Variants in SNTG2 observed in about 807,000 individuals in gnomAD.
The protein encoded by SNTG2 is gamma-2-syntrophin.
A neutral mutation model predicts 70.9 loss-of-function variants in SNTG2; 74 were observed. The observed-to-expected ratio is 1.04, with a 90% CI of 0.86 to 1.27. SNTG2 has a LOEUF of 1.27. Among genes scored for constraint, SNTG2 ranks in the 50% most tolerant of loss-of-function variants. SNTG2 has a pLI of 0.00. For missense variants in SNTG2, 717 were observed against 690.7 expected (o/e 1.04, Z -0.43); for synonymous variants, 278 against 273.8 (o/e 1.02, Z -0.15).
intron 15 of SNTG2, among the ~76,000 whole-genome samples, chr2:1,314,776 C>T (rs1051438190): frequency 1.3e-5 from 2 of 152,272 alleles, no homozygotes; most frequent in East Asian, 1.9e-4. Flanking sequence ...CTGGGGAGGC[C>T]TCACAATCAT....
At position 1,239,908 on chromosome 2, in the gene SNTG2, A is replaced by G; in HGVS notation, c.888+132A>G. ...TTTGATTTGAAAATGTTGATAGGAA[A>G]ACATTAGCACATTTCAGACTGCATT... On this transcript the variant is annotated intron_variant, in intron 11 of 16. Coordinates refer to ENST00000308624, the MANE Select transcript of SNTG2 (RefSeq NM_018968.4). 4.4e-6 allele frequency: 5 copies of G among 1,138,294 alleles called. No homozygotes were observed. The South Asian group carries it at 7.0e-5, about 16-fold the overall frequency. 70.5% of individuals were successfully genotyped at this position (1,138,294 alleles called of 1,614,324 possible). A position where few individuals can be genotyped will look rare whatever the true frequency, so the allele number is the denominator to read the frequency against.
At chr2:1,277,527 G>C (rs530045748) in intron 14 of SNTG2, among the ~76,000 whole-genome samples, 7 of 152,206 alleles carry the variant, frequency 4.6e-5, no homozygotes, top group Non-Finnish European at 7.3e-5. Context: ...TTACAGTATA[G>C]TGTAAGCCCA....
At chr2:1,322,776 T>C (rs536234340) in intron 16 of SNTG2, among the ~76,000 whole-genome samples, 4 of 152,046 alleles carry the variant, frequency 2.6e-5, no homozygotes, top group Non-Finnish European at 5.9e-5. Context: ...AACCTATCGC[T>C]GCCCAATGAT....
intron 9 of SNTG2, among the ~76,000 whole-genome samples, chr2:1,214,097 C>T (rs1674219604): frequency 6.6e-6 from 1 of 152,122 alleles, no homozygotes; most frequent in South Asian, 2.1e-4. Context: ...TATTCTGTTC[C>T]ATTGGCCAAT....
chr2:1,325,941 C>G (rs899554871), intron 16 of SNTG2, among the ~76,000 whole-genome samples: 1 of 151,898 alleles, frequency 6.6e-6, no homozygotes, highest in African/African-American at 2.4e-5. Flanking sequence ...TCAAGTGATT[C>G]TCTTGCCTCA....
intron 1 of SNTG2, among the ~76,000 whole-genome samples, chr2:1,027,495 C>A (rs1660543119): frequency 6.7e-6 from 1 of 148,644 alleles, no homozygotes; most frequent in African/African-American, 2.5e-5. Flanking sequence ...TAAGCAGGTG[C>A]ATCACTGAAG....
At chr2:1,202,543 A>G (rs1032472139) in intron 8 of SNTG2, among the ~76,000 whole-genome samples, 3 of 152,168 alleles carry the variant, frequency 2.0e-5, no homozygotes, top group Non-Finnish European at 4.4e-5. Context: ...AAAAAGACCA[A>G]TAGCAACATG....
chr2:971,427 G>A (rs1478884943), intron 1 of SNTG2, among the ~76,000 whole-genome samples: 4 of 151,854 alleles, frequency 2.6e-5, no homozygotes, highest in African/African-American at 9.6e-5. Context: ...TTTCTTTTAG[G>A]TTTTTTAGTT....
At chr2:996,712 C>T (rs866243090) in intron 1 of SNTG2, among the ~76,000 whole-genome samples, 1 of 38,074 alleles carries the variant, frequency 2.6e-5, no homozygotes, top group African/African-American at 1.2e-4. Flanking sequence ...TTTACTACCA[C>T]TAGGTATTGA....
intron 16 of SNTG2, among the ~76,000 whole-genome samples, chr2:1,333,208 G>A (rs2148286403): frequency 6.6e-6 from 1 of 152,222 alleles, no homozygotes; most frequent in African/African-American, 2.4e-5. Context: ...TACAACAGCT[G>A]CAAAAAGTAA....
At chr2:1,154,198 A>G (rs4073642) in intron 6 of SNTG2, among the ~76,000 whole-genome samples, 129,481 of 151,372 alleles carry the variant, frequency 0.86, 55,757 homozygotes, top group Middle Eastern at 0.95. Context: ...TTGGGGGGAG[A>G]AGGGCCCAGC....
At chr2:1,054,792 G>A (rs1662284371) in intron 1 of SNTG2, among the ~76,000 whole-genome samples, 2 of 152,144 alleles carry the variant, frequency 1.3e-5, no homozygotes, top group South Asian at 4.1e-4. Context: ...ATTTTCAAAT[G>A]AAAAATCTAA....
chr2:1,137,610 G>T lies in SNTG2; in HGVS notation c.326-12G>T. ...TTCTCTTAAAACTGTTGCCACTTTTGCCACCCTGCAGCTGACCAGACAGGG... is the reference window on the plus strand; with the variant it reads ...TTCTCTTAAAACTGTTGCCACTTTTTCCACCCTGCAGCTGACCAGACAGGG... On this transcript the variant is annotated splice_polypyrimidine_tract_variant and intron_variant, in intron 4 of 16. Coordinates refer to ENST00000308624, the MANE Select transcript of SNTG2 (RefSeq NM_018968.4). 6.2e-7 allele frequency: 1 copy of T among 1,611,850 alleles called. No homozygotes were observed. The highest frequency in any genetic ancestry group is 8.5e-7 in the Non-Finnish European group (1 of 1,179,256).
intron 4 of SNTG2, among the ~76,000 whole-genome samples, chr2:1,117,313 G>T (rs1240585567): frequency 5.9e-5 from 9 of 152,102 alleles, no homozygotes; most frequent in Non-Finnish European, 1.2e-4. Flanking sequence ...ACCATAGAAG[G>T]TGTCTGAGAT....
chr2:1,157,088 C>T (rs1307798769), intron 6 of SNTG2, among the ~76,000 whole-genome samples: 2 of 152,206 alleles, frequency 1.3e-5, no homozygotes, highest in South Asian at 2.1e-4. Context: ...ACTTCAATCC[C>T]GTACATTACT....
chr2:1,241,987 G>C (rs1677082892), intron 11 of SNTG2, among the ~76,000 whole-genome samples: 1 of 152,086 alleles, frequency 6.6e-6, no homozygotes, highest in South Asian at 2.1e-4. Flanking sequence ...GTTGTACTGG[G>C]TAATTTAAGG....
intron 9 of SNTG2, among the ~76,000 whole-genome samples, chr2:1,235,050 C>T (rs1676518680): frequency 6.6e-6 from 1 of 152,256 alleles, no homozygotes; most frequent in African/African-American, 2.4e-5. Context: ...CATGCGTGTC[C>T]TTCACACGCC....
At chr2:1,227,479 T>A (rs1675869722) in intron 9 of SNTG2, among the ~76,000 whole-genome samples, 1 of 152,186 alleles carries the variant, frequency 6.6e-6, no homozygotes, top group Admixed American at 6.5e-5. Flanking sequence ...GTGACTCTAA[T>A]CAACAGCATT....
At chr2:1,247,501 G>GA in intron 12 of SNTG2, 58 bp downstream of exon 12, 1 of 1,204,796 alleles carries the variant, frequency 8.3e-7, no homozygotes, top group Non-Finnish European at 1.2e-6. Flanking sequence ...ATTCCTGTAG[G>GA]AGGGGGAAAG....
Sources: gnomAD v4.1 joint callset for allele counts (sites outside exome capture counted in the v4.1 genomes callset) on GRCh38, gnomAD v4.1.1 for gene constraint, MANE v1.5 for transcripts, NCBI Gene and HGNC (gene_info 2026-07-23, HGNC 2026-07-21) for gene names.